Variants in PCLO observed in about 807,000 individuals in gnomAD.
The protein encoded by PCLO is protein piccolo.
PCLO carries 82 observed loss-of-function variants against 427.5 expected under a neutral mutation model. The ratio of observed to expected loss-of-function variants is 0.19; its 90% CI spans 0.16 to 0.23. The LOEUF (loss-of-function observed/expected upper bound fraction) is 0.23. Ranked by LOEUF, PCLO falls within the 10% of genes least tolerant of loss-of-function variation. The pLI is 1.00. For missense variants in PCLO, 6,239 were observed against 6,115.9 expected (o/e 1.02, Z -0.67); for synonymous variants, 2,357 against 2,155.4 (o/e 1.09, Z -2.59).
Position 82,949,953 on chromosome 7 carries a change from G to A in PCLO, c.10635C>T (p.Ala3545=), listed in dbSNP as rs1401213275. The A allele has an allele frequency of 6.2e-7, 1 of 1,613,386 alleles. No homozygotes were observed. Among genetic ancestry groups the A allele is most frequent in the East Asian group, 2.2e-5 (1 of 44,850 alleles). Residue 3545 remains alanine (A), a synonymous_variant, in exon 6 of 25, where the codon GCC becomes GCT. Transcript: ENST00000333891. ...AAATGTGTTTAATTATTTCTACCTT[G>A]GCATCCACTCGTGCCCGTATGGAGG... is the stretch of plus-strand genomic sequence containing the variant. The part of the protein sequence containing the change: ...RTPSIRARVD[A]KVEIIKHISA...
chr7:82,808,420 TC>T (rs1791502328), intron 20 of PCLO, among the ~76,000 whole-genome samples: 1 of 151,836 alleles, frequency 6.6e-6, no homozygotes, highest in Non-Finnish European at 1.5e-5. Context: ...CTATTCCTCT[TC>T]TGGAAAAGTT....
intron 3 of PCLO, among the ~76,000 whole-genome samples, chr7:83,120,450 TC>T (rs1381743903): frequency 7.2e-6 from 1 of 139,386 alleles, no homozygotes; most frequent in Non-Finnish European, 1.6e-5. Flanking sequence ...TAGAGAATAG[TC>T]CAAACCTAGA....
intron 3 of PCLO, among the ~76,000 whole-genome samples, chr7:82,975,948 C>G (rs115351067): frequency 0.011 from 1,697 of 152,240 alleles, 34 homozygotes; most frequent in African/African-American, 0.038. Context: ...CCCAGGCATG[C>G]GGAACTGTGA....
intron 2 of PCLO, among the ~76,000 whole-genome samples, chr7:83,154,000 A>G (rs1792203938): frequency 6.6e-6 from 1 of 152,182 alleles, no homozygotes; most frequent in South Asian, 2.1e-4. Flanking sequence ...CTTGCTGAGA[A>G]CTACTCTTCT....
At chr7:83,114,030 A>C (rs919105637) in intron 3 of PCLO, among the ~76,000 whole-genome samples, 37 of 152,150 alleles carry the variant, frequency 2.4e-4, no homozygotes, top group African/African-American at 8.4e-4. Context: ...GAGCTTAAAA[A>C]ATCCTGACAG....
chr7:82,965,324 T>C (rs1188515800), intron 4 of PCLO, among the ~76,000 whole-genome samples: 1 of 150,792 alleles, frequency 6.6e-6, no homozygotes. Flanking sequence ...TTCTTTTTTT[T>C]TTTTTTTGCA....
At chr7:83,021,903 A>C (rs943650213) in intron 3 of PCLO, among the ~76,000 whole-genome samples, 1 of 152,174 alleles carries the variant, frequency 6.6e-6, no homozygotes, top group African/African-American at 2.4e-5. Context: ...TGTGGTATGA[A>C]GTTGTTCATA....
chr7:82,935,021 T>G (rs891588365), intron 6 of PCLO, among the ~76,000 whole-genome samples: 3 of 150,884 alleles, frequency 2.0e-5, no homozygotes, highest in African/African-American at 4.8e-5. Flanking sequence ...TTATGAGAAG[T>G]CAATGAAAAT....
chr7:82,826,868 T>C (rs1260342276), intron 17 of PCLO, among the ~76,000 whole-genome samples: 2 of 152,064 alleles, frequency 1.3e-5, no homozygotes, highest in African/African-American at 2.4e-5. Flanking sequence ...TGTTTGATCA[T>C]GGGGAACATT....
chr7:82,915,775 T>G lies in PCLO; in HGVS notation c.12211A>C (p.Lys4071Gln), dbSNP rs765877832. The G allele has an allele frequency of 6.2e-7, 1 of 1,612,494 alleles. No individual in the cohort carries two copies. The change falls in exon 7 of 25, where the codon AAG (lysine) becomes CAG (glutamine). Residue 4071 changes from lysine to glutamine, a missense_variant. Coordinates refer to ENST00000333891, the MANE Select transcript of PCLO (RefSeq NM_033026.6). The stretch of plus-strand genomic sequence containing the variant: ...AGACGGTCTGTTTTTGACAGATCCT[T>G]TTCATGAAGGCTAAATGCGGTGCTT... Reference protein sequence around the residue: ...ALSTAFSLHEKDLSKTDRLLR... With the variant: ...ALSTAFSLHEQDLSKTDRLLR...
intron 3 of PCLO, among the ~76,000 whole-genome samples, chr7:83,128,432 T>A (rs1372543744): frequency 6.6e-6 from 1 of 152,186 alleles, no homozygotes; most frequent in South Asian, 2.1e-4. Flanking sequence ...TAATTTGAGT[T>A]AGCACAGCGT....
At chr7:83,045,027 T>C (rs1417734789) in intron 3 of PCLO, among the ~76,000 whole-genome samples, 1 of 152,194 alleles carries the variant, frequency 6.6e-6, no homozygotes, top group East Asian at 1.9e-4. Flanking sequence ...TCAGTATTTC[T>C]TATAAACTAT....
At chr7:82,981,949 T>C (rs1796155482) in intron 3 of PCLO, among the ~76,000 whole-genome samples, 1 of 152,134 alleles carries the variant, frequency 6.6e-6, no homozygotes, top group Admixed American at 6.6e-5. Context: ...TTAATACTTA[T>C]ACCTACCTTT....
In PCLO at chr7:83,155,077, G is replaced by C; in HGVS notation, c.1564C>G (p.Gln522Glu). 6.2e-7 allele frequency: 1 copy of C among 1,610,998 alleles called. No individual in the cohort carries two copies. The change falls in exon 2 of 25, where the codon CAA (glutamine) becomes GAA (glutamate). Residue 522 changes from glutamine to glutamate, a missense_variant. Gln to Glu is a conservative substitution (Grantham distance 29). Transcript: ENST00000333891. ...QQPGPAKPSP[Q>E]QPGSTKPPSQ... Reference sequence around the variant, plus strand: ...GGGGGTTTTGTTGAGCCAGGCTGTTGAGGTGAGGGCTTTGCTGGGCCAGGC... The same window carrying C: ...GGGGGTTTTGTTGAGCCAGGCTGTTCAGGTGAGGGCTTTGCTGGGCCAGGC...
intron 3 of PCLO, among the ~76,000 whole-genome samples, chr7:83,045,080 T>C (rs1003418069): frequency 6.6e-6 from 1 of 152,272 alleles, no homozygotes; most frequent in African/African-American, 2.4e-5. Flanking sequence ...TTTCATCTGA[T>C]TAGGCCCTGA....
Position 82,950,017 on chromosome 7 carries a change from A to C in PCLO, c.10571T>G (p.Ile3524Arg), listed in dbSNP as rs1201460595. 2.5e-6 allele frequency: 4 copies of C among 1,613,120 alleles called. No individual in the cohort carries two copies. Among genetic ancestry groups the C allele is most frequent in the Admixed American group, 1.7e-5 (1 of 59,866 alleles). ...SSIAVQTVAEISVQTEPVGTI... is the reference protein window; with the variant it reads ...SSIAVQTVAERSVQTEPVGTI... ...TCCAACTGGTTCAGTTTGCACAGAT[A>C]TCTCTGCTACCGTTTGAACTGCTAT... The change falls in exon 6 of 25, where the codon ATA (isoleucine) becomes AGA (arginine). Residue 3524 changes from isoleucine to arginine, a missense_variant. Ile to Arg is a moderately conservative substitution (Grantham distance 97). Around this residue, in one of 5 missense-constraint regions of PCLO, gnomAD observed 4,677 missense variants for 4,468.4 expected, o/e 1.05. Coordinates refer to ENST00000333891, the MANE Select transcript of PCLO (RefSeq NM_033026.6).
At chr7:82,770,177 G>T (rs1183316893) in intron 22 of PCLO, among the ~76,000 whole-genome samples, 2 of 152,012 alleles carry the variant, frequency 1.3e-5, no homozygotes, top group African/African-American at 2.4e-5. Context: ...AAGGTAAATT[G>T]TTAGTACAAT....
chr7:83,116,368 CAT>C (rs1370541062), intron 3 of PCLO, among the ~76,000 whole-genome samples: 1 of 152,198 alleles, frequency 6.6e-6, no homozygotes, highest in Non-Finnish European at 1.5e-5. Context: ...AATTATAGAA[CAT>C]GTGTTTTCTG....
intron 8 of PCLO, among the ~76,000 whole-genome samples, chr7:82,903,634 A>G (rs576104301): frequency 6.6e-6 from 1 of 151,994 alleles, no homozygotes; most frequent in Non-Finnish European, 1.5e-5. Context: ...CAGAAATAGT[A>G]AGATATTTAC....
Sources: allele counts gnomAD v4.1 joint callset (sites outside exome capture counted in the v4.1 genomes callset), GRCh38; gene constraint gnomAD v4.1.1; regional missense constraint gnomAD v4.1.1; transcripts MANE v1.5; gene names NCBI Gene and HGNC (gene_info 2026-07-23, HGNC 2026-07-21).